LRBA: variants seen among roughly 807,000 people sequenced by gnomAD.
The protein encoded by LRBA is LPS responsive beige-like anchor protein.
A neutral mutation model predicts 330.0 loss-of-function variants in LRBA; 176 were observed. That is an observed-to-expected ratio of 0.53 (90% CI 0.47 to 0.60). LRBA has a LOEUF of 0.60. LRBA is among the 20% of genes least tolerant of loss of function. The pLI is 0.00. For missense variants in LRBA, 3,259 were observed against 3,444.8 expected (o/e 0.95, Z 1.35); for synonymous variants, 1,230 against 1,193.0 (o/e 1.03, Z -0.64).
Position 150,466,773 on chromosome 4 carries a change from A to T in LRBA, c.6780+900T>A, listed in dbSNP as rs182797074. Among the ~76,000 whole-genome samples, 6 of 152,242 alleles carry T rather than the reference A, an allele frequency of 3.9e-5. No individual in the cohort carries two copies. In the East Asian group the frequency reaches 1.2e-3, roughly 29 times the overall value. Reference sequence around the variant, plus strand: ...ATGAGGGTAGAGACTTTGTACTCAGACATTAAAGGAAATACAATTCTGAAT... The same window carrying T: ...ATGAGGGTAGAGACTTTGTACTCAGTCATTAAAGGAAATACAATTCTGAAT... On this transcript the variant is annotated intron_variant, in intron 44 of 56. Coordinates refer to ENST00000651943, the MANE Select transcript of LRBA (RefSeq NM_001364905.1).
At chr4:150,661,958 A>C (rs1213527192) in intron 37 of LRBA, among the ~76,000 whole-genome samples, 1 of 152,120 alleles carries the variant, frequency 6.6e-6, no homozygotes, top group East Asian at 1.9e-4. Context: ...GTATCTCCAC[A>C]TGATTCCTAT....
At chr4:150,370,637 A>G (rs1740135308) in intron 47 of LRBA, among the ~76,000 whole-genome samples, 1 of 152,222 alleles carries the variant, frequency 6.6e-6, no homozygotes, top group Non-Finnish European at 1.5e-5. Flanking sequence ...CTAACATAAA[A>G]GTGAACCCTA....
rs1410308438 is a variant in LRBA at position 150,325,229 on chromosome 4, A to T, written c.7452+580T>A. Reference sequence around the variant, plus strand: ...TCAGCCCACCCCCAAGCAGTGTGTGAGTGAGGCGAGGTGAAAAGAGCAGAA... The same window carrying T: ...TCAGCCCACCCCCAAGCAGTGTGTGTGTGAGGCGAGGTGAAAAGAGCAGAA... On this transcript the variant is annotated intron_variant, in intron 49 of 56. Transcript: ENST00000651943. Among the ~76,000 whole-genome samples, 3 of 152,154 alleles carry T rather than the reference A, an allele frequency of 2.0e-5. No homozygotes were observed. The East Asian group carries it at 5.8e-4, about 29-fold the overall frequency.
At chr4:150,760,655 A>G (rs930925967) in intron 35 of LRBA, among the ~76,000 whole-genome samples, 11 of 152,152 alleles carry the variant, frequency 7.2e-5, no homozygotes, top group African/African-American at 2.4e-4. Flanking sequence ...TTTTCACACA[A>G]ATGTCCTCCA....
intron 31 of LRBA, among the ~76,000 whole-genome samples, chr4:150,815,391 T>C (rs1744420381): frequency 6.6e-6 from 1 of 150,538 alleles, no homozygotes; most frequent in Non-Finnish European, 1.5e-5. Flanking sequence ...AATGGAACAA[T>C]AAAGATGAAA....
chr4:150,323,026 G>GTGTGT (rs869277214), intron 49 of LRBA, among the ~76,000 whole-genome samples: 1 of 6,780 alleles, frequency 1.5e-4, no homozygotes, highest in South Asian at 1.0e-3. Context: ...TGTGTGTGTG[G>GTGTGT]GGATGCATTG....
chr4:150,948,262 G>A (rs1736443162), intron 2 of LRBA, among the ~76,000 whole-genome samples: 1 of 152,010 alleles, frequency 6.6e-6, no homozygotes, highest in African/African-American at 2.4e-5. Flanking sequence ...ACACTGTGAG[G>A]AACTGGTGGA....
intron 40 of LRBA, among the ~76,000 whole-genome samples, chr4:150,559,882 TA>T (rs1318118493): frequency 5.0e-5 from 1 of 19,994 alleles, no homozygotes; most frequent in Non-Finnish European, 1.1e-4. Flanking sequence ...TAATTATATA[TA>T]ATTATATATA....
intron 40 of LRBA, among the ~76,000 whole-genome samples, chr4:150,559,563 T>G (rs893146645): frequency 6.6e-5 from 8 of 120,882 alleles, no homozygotes; most frequent in Non-Finnish European, 1.3e-4. Flanking sequence ...TATATATTTA[T>G]ATAAATATAT....
intron 40 of LRBA, chr4:150,579,860 A>AATGGTTCGCGTCGCTT (rs1771043783): frequency 2.7e-6 from 1 of 377,048 alleles, no homozygotes; most frequent in East Asian, 7.4e-5. Flanking sequence ...CGCGAACCAG[A>AATGGTTCGCGTCGCTT]CGCAACGACG....
intron 40 of LRBA, among the ~76,000 whole-genome samples, chr4:150,499,759 T>C (rs902899816): frequency 1.3e-5 from 2 of 152,124 alleles, no homozygotes; most frequent in African/African-American, 4.8e-5. Context: ...TTTAAATATA[T>C]TGGAATATTT....
chr4:150,428,177 T>C (rs1749893727), intron 46 of LRBA, among the ~76,000 whole-genome samples: 1 of 152,086 alleles, frequency 6.6e-6, no homozygotes, highest in Non-Finnish European at 1.5e-5. Flanking sequence ...ATTTAGTATC[T>C]CTTAGGACTT....
At chr4:150,961,434 A>G (rs1046708005) in intron 2 of LRBA, among the ~76,000 whole-genome samples, 2 of 149,540 alleles carry the variant, frequency 1.3e-5, no homozygotes, top group Non-Finnish European at 2.9e-5. Flanking sequence ...GCTAAGACAG[A>G]AGAAACAGAG....
At chr4:150,647,242 T>C (rs1359975312) in intron 37 of LRBA, among the ~76,000 whole-genome samples, 3 of 151,648 alleles carry the variant, frequency 2.0e-5, no homozygotes, top group Non-Finnish European at 4.4e-5. Flanking sequence ...ATTCTATTTC[T>C]GGGACTATAG....
intron 37 of LRBA, among the ~76,000 whole-genome samples, chr4:150,648,744 A>T (rs1367562748): frequency 6.6e-6 from 1 of 152,106 alleles, no homozygotes; most frequent in Non-Finnish European, 1.5e-5. Context: ...AAGTTTGGGG[A>T]CAATGCCAAG....
intron 40 of LRBA, among the ~76,000 whole-genome samples, chr4:150,512,556 G>A (rs1376537453): frequency 6.6e-6 from 1 of 151,938 alleles, no homozygotes; most frequent in Admixed American, 6.6e-5. Context: ...ATAGAATCAG[G>A]AGTCAGCAGT....
At chr4:150,946,825 A>G in intron 2 of LRBA, among the ~76,000 whole-genome samples, 1 of 151,946 alleles carries the variant, frequency 6.6e-6, no homozygotes, top group South Asian at 2.1e-4. Context: ...TAAAATTGAC[A>G]AACCTTGGCA....
intron 34 of LRBA, among the ~76,000 whole-genome samples, chr4:150,777,748 G>A (rs929737943): frequency 6.6e-6 from 1 of 152,000 alleles, no homozygotes; most frequent in Non-Finnish European, 1.5e-5. Flanking sequence ...GGGAGGCCAA[G>A]GTGGGAGGAT....
At chr4:150,500,383 C>T (rs1760111968) in intron 40 of LRBA, among the ~76,000 whole-genome samples, 1 of 152,004 alleles carries the variant, frequency 6.6e-6, no homozygotes. Context: ...CAAGACCAGC[C>T]TGGCCAACAT....
Sources: gnomAD v4.1 joint callset for allele counts (sites outside exome capture counted in the v4.1 genomes callset) on GRCh38, gnomAD v4.1.1 for gene constraint, MANE v1.5 for transcripts, NCBI Gene and HGNC (gene_info 2026-07-23, HGNC 2026-07-21) for gene names.